ADAMTSL1: variants seen among roughly 807,000 people sequenced by gnomAD.
ADAMTSL1 encodes ADAMTS like 1, also known as ADAMTS-like protein 1.
Under a neutral mutation model 201.8 loss-of-function variants are expected in ADAMTSL1, and 126 were observed. The observed-to-expected ratio is 0.62, with a 90% CI of 0.54 to 0.72. The LOEUF (loss-of-function observed/expected upper bound fraction) is 0.72. Ranked by LOEUF, ADAMTSL1 falls within the 30% of genes least tolerant of loss-of-function variation. ADAMTSL1 has a pLI of 0.00. For missense variants in ADAMTSL1, 2,679 were observed against 2,277.8 expected (o/e 1.18, Z -3.59); for synonymous variants, 1,121 against 903.4 (o/e 1.24, Z -4.32).
intron 1 of ADAMTSL1, among the ~76,000 whole-genome samples, chr9:17,987,622 C>T (rs955648027): frequency 3.3e-5 from 5 of 152,048 alleles, no homozygotes; most frequent in Non-Finnish European, 7.4e-5. Flanking sequence ...AATGAAACCA[C>T]GTAAAATGTG....
At chr9:18,151,200 AAAAC>A (rs1192231323) in intron 1 of ADAMTSL1, among the ~76,000 whole-genome samples, 3 of 152,072 alleles carry the variant, frequency 2.0e-5, no homozygotes, top group Non-Finnish European at 4.4e-5. Flanking sequence ...TAGATGCCTA[AAAAC>A]TAGACAGTCC....
At chr9:18,801,129 C>T (rs1251156583) in intron 20 of ADAMTSL1, among the ~76,000 whole-genome samples, 3 of 152,116 alleles carry the variant, frequency 2.0e-5, no homozygotes, top group Non-Finnish European at 4.4e-5. Flanking sequence ...ATGCTGAAGG[C>T]GTGCCAACTA....
chr9:18,335,131 T>C (rs1480908384), intron 2 of ADAMTSL1, among the ~76,000 whole-genome samples: 2 of 152,114 alleles, frequency 1.3e-5, no homozygotes, highest in African/African-American at 4.8e-5. Context: ...TGATAACAGA[T>C]CTTTGATAAA....
intron 13 of ADAMTSL1, among the ~76,000 whole-genome samples, chr9:18,687,645 A>G (rs1479170426): frequency 6.6e-6 from 1 of 152,202 alleles, no homozygotes; most frequent in Non-Finnish European, 1.5e-5. Flanking sequence ...CACCAGATGA[A>G]TGTCTTCAGC....
chr9:18,052,790 T>C (rs770472391), intron 1 of ADAMTSL1, among the ~76,000 whole-genome samples: 9 of 149,334 alleles, frequency 6.0e-5, no homozygotes, highest in Non-Finnish European at 1.3e-4. Context: ...TGTACTAGAG[T>C]GGGGGTGGGG....
intron 1 of ADAMTSL1, among the ~76,000 whole-genome samples, chr9:18,132,701 C>G (rs2131971204): frequency 6.6e-6 from 1 of 152,244 alleles, no homozygotes; most frequent in Non-Finnish European, 1.5e-5. Context: ...TTCCATTGTA[C>G]CCTTTTTCCC....
At position 18,826,317 on chromosome 9, in the gene ADAMTSL1, A is replaced by C; in HGVS notation, c.3968A>C (p.Asn1323Thr). 1 of 1,613,102 alleles carries C rather than the reference A, an allele frequency of 6.2e-7. No individual in the cohort carries two copies. Residue 1323 changes from asparagine to threonine, a missense_variant, in exon 22 of 29, where the codon AAT (asparagine) becomes ACT (threonine). By Grantham distance (65) the Asn-to-Thr change is moderately conservative (BLOSUM62 0). Transcript: ENST00000380548. ...VPEAEVTWFRNKSKLGSPHHL... is the reference protein window; with the variant it reads ...VPEAEVTWFRTKSKLGSPHHL... ...GAAGCTGAAGTCACTTGGTTCAGGA[A>C]TAAAAGCAAACTGGGCTCCCCGCAC... is the stretch of plus-strand genomic sequence containing the variant.
chr9:18,624,530 G>A (rs1826238261), intron 5 of ADAMTSL1, among the ~76,000 whole-genome samples: 1 of 152,170 alleles, frequency 6.6e-6, no homozygotes, highest in Non-Finnish European at 1.5e-5. Context: ...AGGTACAAAA[G>A]GAAATGTCAT....
chr9:18,119,145 T>C (rs78752630), intron 1 of ADAMTSL1, among the ~76,000 whole-genome samples: 1 of 152,264 alleles, frequency 6.6e-6, no homozygotes, highest in East Asian at 1.9e-4. Flanking sequence ...TATTTTAAAA[T>C]GGGTCAGAAC....
At chr9:18,291,153 T>A (rs1833243495) in intron 2 of ADAMTSL1, among the ~76,000 whole-genome samples, 1 of 151,714 alleles carries the variant, frequency 6.6e-6, no homozygotes, top group Non-Finnish European at 1.5e-5. Context: ...GATATGTAGG[T>A]AAGCTGAGGA....
Position 18,892,372 on chromosome 9 carries a change from C to G in ADAMTSL1, c.4644-17C>G, listed in dbSNP as rs376235550. On this transcript the variant is annotated splice_polypyrimidine_tract_variant and intron_variant, in intron 25 of 28. Transcript: ENST00000380548. ...CTGTCCCTTTAGGGCTCTCCTGACA[C>G]TTCTTCCTCTCCCCAGGTGGATGGT... is the stretch of plus-strand genomic sequence containing the variant. The G allele has an allele frequency of 1.9e-6, 3 of 1,606,272 alleles. No homozygotes were observed. The highest frequency in any genetic ancestry group is 1.3e-5 in the African/African-American group (1 of 74,932).
chr9:18,350,172 G>T (rs1457556242), intron 2 of ADAMTSL1, among the ~76,000 whole-genome samples: 1 of 151,880 alleles, frequency 6.6e-6, no homozygotes, highest in Non-Finnish European at 1.5e-5. Context: ...TCCCCACCTG[G>T]TCCCCAGGTG....
chr9:18,291,269 A>G (rs1383913926), intron 2 of ADAMTSL1, among the ~76,000 whole-genome samples: 1 of 152,212 alleles, frequency 6.6e-6, no homozygotes, highest in African/African-American at 2.4e-5. Context: ...GGTAGCAATT[A>G]CTGGAAAATT....
intron 2 of ADAMTSL1, among the ~76,000 whole-genome samples, chr9:18,335,628 T>TA (rs1835205553): frequency 6.6e-6 from 1 of 152,172 alleles, no homozygotes; most frequent in Non-Finnish European, 1.5e-5. Flanking sequence ...CTATTCCCAT[T>TA]AAATAACCTC....
At chr9:18,323,114 C>T (rs767484801) in intron 2 of ADAMTSL1, among the ~76,000 whole-genome samples, 3 of 152,018 alleles carry the variant, frequency 2.0e-5, no homozygotes, top group Non-Finnish European at 4.4e-5. Context: ...CACTGTATCT[C>T]GTAAATGTTT....
chr9:18,050,471 A>G (rs1210674148), intron 1 of ADAMTSL1, among the ~76,000 whole-genome samples: 1 of 152,344 alleles, frequency 6.6e-6, no homozygotes, highest in African/African-American at 2.4e-5. Flanking sequence ...TGAATCTAGC[A>G]TCAATTCAGA....
intron 2 of ADAMTSL1, among the ~76,000 whole-genome samples, chr9:18,435,192 C>A: frequency 6.6e-6 from 1 of 152,030 alleles, no homozygotes; most frequent in East Asian, 1.9e-4. Flanking sequence ...ATATTGAGTG[C>A]CTATTGTACA....
chr9:18,351,085 C>T lies in ADAMTSL1; in HGVS notation c.208-153744C>T, dbSNP rs796703912. Among the ~76,000 whole-genome samples the T allele has an allele frequency of 9.2e-4, 140 of 152,064 alleles. 1 individual carries two copies. The highest frequency in any genetic ancestry group is 2.8e-3 in the African/African-American group (115 of 41,494). ...TGAAATAACTAAAATTGTAAAGAGA[C>T]ATTAAATAATAATCTGCCTGCCTAA... On this transcript the variant is annotated intron_variant, in intron 2 of 29. Coordinates refer to the ADAMTSL1 transcript ENST00000680146.
intron 15 of ADAMTSL1, among the ~76,000 whole-genome samples, chr9:18,737,631 A>G (rs1186214973): frequency 6.6e-6 from 1 of 152,234 alleles, no homozygotes; most frequent in Non-Finnish European, 1.5e-5. Context: ...TAGCTGAAAG[A>G]TGTGTCTAGA....
Sources: allele counts gnomAD v4.1 joint callset (sites outside exome capture counted in the v4.1 genomes callset), GRCh38; gene constraint gnomAD v4.1.1; transcripts MANE v1.5; gene names NCBI Gene and HGNC (gene_info 2026-07-23, HGNC 2026-07-21).